RRAD: variants seen among roughly 807,000 people sequenced by gnomAD.
RRAD encodes the protein RRAD, Ras related glycolysis inhibitor and calcium channel regulator, also known as GTP-binding protein RAD.
Under a neutral mutation model 24.7 loss-of-function variants are expected in RRAD, and 15 were observed. The ratio of observed to expected loss-of-function variants is 0.61; its 90% confidence interval spans 0.41 to 0.93. The LOEUF (loss-of-function observed/expected upper bound fraction) is 0.93, where lower values mean the gene tolerates loss of function less well. Among genes scored for constraint, RRAD ranks in the 40% least tolerant of loss-of-function variants. The pLI is 0.00. For synonymous variants in RRAD, 180 were observed against 189.8 expected (o/e 0.95, Z 0.43); for missense variants, 438 against 452.2 (o/e 0.97, Z 0.29).
At position 66,924,790 on chromosome 16, in the gene RRAD, GA is replaced by G; in HGVS notation, c.370+19del. Reference sequence around the variant, plus strand: ...CTAGCCCCGGGATCGCCCCTCCCCTGAACAGCTGGGTCCCCTCACCTGCTGC... The same window carrying G: ...CTAGCCCCGGGATCGCCCCTCCCCTGACAGCTGGGTCCCCTCACCTGCTGC... On this transcript the variant is annotated intron_variant, in intron 2 of 4. Transcript: ENST00000299759. The surrounding 1 kb of genome is among the most constrained non-coding windows in gnomAD (Gnocchi z 4.2). 5 of 1,507,808 alleles carry G rather than the reference GA, an allele frequency of 3.3e-6. No homozygotes were observed. Among genetic ancestry groups the G allele is most frequent in the Non-Finnish European group, 4.5e-6 (5 of 1,122,368 alleles). The allele number at this position is 1,507,808 out of a possible 1,614,324, so 93.4% of individuals were successfully genotyped here.
rs918525617 is a variant in RRAD at position 66,925,390 on chromosome 16, G to T, written c.-16+19C>A. On this transcript the variant is annotated intron_variant, in intron 1 of 4. Coordinates refer to ENST00000299759, the MANE Select transcript of RRAD (RefSeq NM_004165.3). The surrounding 1 kb of genome is among the most constrained non-coding windows in gnomAD (Gnocchi z 5.2). Reference sequence around the variant, plus strand: ...ATCCATCTGCAGCCGCCCCGACCCCGCTCCGCCAGGACACTCACCCACTCG... The same window carrying T: ...ATCCATCTGCAGCCGCCCCGACCCCTCTCCGCCAGGACACTCACCCACTCG... 2.9e-5 allele frequency: 11 copies of T among 375,468 alleles called. No individual in the cohort carries two copies. The highest frequency in any genetic ancestry group is 1.4e-4 in the South Asian group (1 of 7,078). 23.3% of individuals were successfully genotyped at this position (375,468 alleles called of 1,614,324 possible).
In RRAD at chr16:66,924,955, G is replaced by A; in HGVS notation, c.225C>T (p.Asp75=). Residue 75 remains aspartate, a synonymous_variant, in exon 2 of 5, where the codon GAC becomes GAT. Coordinates refer to ENST00000299759, the MANE Select transcript of RRAD (RefSeq NM_004165.3). The surrounding 1 kb of genome is among the most constrained non-coding windows in gnomAD (Gnocchi z 4.2). The part of the protein sequence containing the change: ...TQGPRLDWPE[D]SEDSLSSGGS... ...CCCCTGAGCTGAGCGAGTCCTCGGA[G>A]TCCTCGGGCCAGTCCAGCCTGGGAC... The A allele has an allele frequency of 1.3e-6, 2 of 1,541,908 alleles. No individual in the cohort carries two copies. Among genetic ancestry groups the A allele is most frequent in the Non-Finnish European group, 1.7e-6 (2 of 1,149,460 alleles).
At position 66,925,278 on chromosome 16, in the gene RRAD, G is replaced by A. The variant is rs902730820; in HGVS notation, c.-15-84C>T. On this transcript the variant is annotated intron_variant, in intron 1 of 4. Coordinates refer to ENST00000299759, the MANE Select transcript of RRAD (RefSeq NM_004165.3). The surrounding 1 kb of genome is among the most constrained non-coding windows in gnomAD (Gnocchi z 5.2). Reference sequence around the variant, plus strand: ...GCACCTGCCCAACCCGGAGTCAGGCGGGATGCTCCGGCCGAGGTCCCGCCG... The same window carrying A: ...GCACCTGCCCAACCCGGAGTCAGGCAGGATGCTCCGGCCGAGGTCCCGCCG... The A allele has an allele frequency of 2.7e-5, 31 of 1,129,082 alleles. No individual in the cohort carries two copies. The African/African-American group carries it at 3.7e-4, about 14-fold the overall frequency. The allele number at this position is 1,129,082 out of a possible 1,614,324, so 69.9% of individuals were successfully genotyped here.
rs1065763 is a variant in RRAD, at chr16:66,922,007, G to A, written c.*69C>T. The stretch of plus-strand genomic sequence containing the variant: ...AGTCTGAGCCTGCTCTGAGGCACCC[G>A]GGGCAGTTGGCTGGGCCAGCCCACC... On this transcript the variant is annotated 3_prime_UTR_variant, in exon 5 of 5. Coordinates refer to ENST00000299759, the MANE Select transcript of RRAD (RefSeq NM_004165.3). 2.1e-3 allele frequency: 3,094 copies of A among 1,445,678 alleles called. 7 individuals carry two copies. Among genetic ancestry groups the A allele is most frequent in the Non-Finnish European group, 2.4e-3 (2,546 of 1,055,826 alleles). 89.6% of individuals were successfully genotyped at this position (1,445,678 alleles called of 1,614,324 possible).
Position 66,922,260 on chromosome 16 carries a change from A to AG in RRAD, c.742_743insC (p.Val248AlafsTer42), listed in dbSNP as rs1195961986. 6.2e-7 allele frequency: 1 copy of AG among 1,614,056 alleles called. No individual in the cohort carries two copies. ...GTCCCTGCGCAGGCGTATCTGGCGC[A>AG]CGACACCTTCAAACAGCGCCTGGAC... On this transcript the variant is annotated frameshift_variant, in exon 5 of 5. Transcript: ENST00000299759. LOFTEE classifies it high-confidence loss of function.
At chr16:66,922,375 G>C (rs771012628) in intron 4 of RRAD, 22 bp from the exon 5 acceptor site, 1 of 1,567,860 alleles carries the variant, frequency 6.4e-7, no homozygotes, top group Non-Finnish European at 8.7e-7. Context: ...GGGAAAGGCA[G>C]GCACCAGTAA....
At chr16:66,922,903 G>T (rs1226646177) in intron 4 of RRAD, among the ~76,000 whole-genome samples, 1 of 152,168 alleles carries the variant, frequency 6.6e-6, no homozygotes, top group Admixed American at 6.5e-5. Context: ...GGATGGTCTC[G>T]ATCTCCTGAC....
Position 66,924,831 on chromosome 16 carries a change from C to A in RRAD, c.349G>T (p.Gly117Trp), listed in dbSNP as rs1227174755. 15 of 1,585,374 alleles carry A rather than the reference C, an allele frequency of 9.5e-6. No homozygotes were observed. Among genetic ancestry groups the A allele is most frequent in the African/African-American group, 1.3e-5 (1 of 74,444 alleles). ...LARIFGGVED[G>W]PEAEAAGHTY... is the part of the protein sequence containing the mutation. ...TCACCTGCTGCCTCTGCTTCAGGCC[C>A]GTCCTCCACACCGCCGAAGATGCGC... The change falls in exon 2 of 5, where the codon GGG becomes TGG. Residue 117 changes from glycine (G) to tryptophan (W), a missense_variant. By Grantham distance (184) the Gly-to-Trp change is radical. Coordinates refer to ENST00000299759, the MANE Select transcript of RRAD (RefSeq NM_004165.3). The surrounding 1 kb of genome is among the most constrained non-coding windows in gnomAD (Gnocchi z 4.2).
Position 66,924,911 on chromosome 16 carries a change from C to T in RRAD, c.269G>A (p.Ser90Asn), listed in dbSNP as rs1218055005. The stretch of plus-strand genomic sequence containing the variant: ...CCCCAGCAGCAGCACCTTGTAAACG[C>T]TCTCGTCTGAGTCGCTGCCCCCTGA... ...LSSGGSDSDE[S>N]VYKVLLLGAP... Residue 90 changes from serine to asparagine, a missense_variant, in exon 2 of 5, where the codon AGC becomes AAC. By Grantham distance (46) the Ser-to-Asn change is conservative. Transcript: ENST00000299759. This position sits in a 1 kb window ranked among gnomAD's most constrained non-coding sequence, Gnocchi z 4.2. The T allele has an allele frequency of 1.9e-6, 3 of 1,580,382 alleles. No homozygotes were observed. In the South Asian group the frequency reaches 3.4e-5, roughly 18 times the overall value.
In RRAD at chr16:66,923,615, G is replaced by C. The variant is rs932782937; in HGVS notation, c.550C>G (p.Arg184Gly). Residue 184 changes from arginine (R) to glycine (G), a missense_variant, in exon 4 of 5, where the codon CGG (arginine) becomes GGG (glycine). By Grantham distance (125) the Arg-to-Gly change is moderately radical (BLOSUM62 -2). Transcript: ENST00000299759. This position sits in a 1 kb window ranked among gnomAD's most constrained non-coding sequence, Gnocchi z 4.9. ...TGCCGTGCACGCCGCAGCTGGACCC[G>C]CAGTTCTGAGGCCTTCTCGAAGCTG... ...KGSFEKASEL[R>G]VQLRRARQTD... 6.2e-7 allele frequency: 1 copy of C among 1,613,728 alleles called. No individual in the cohort carries two copies. Among genetic ancestry groups the C allele is most frequent in the East Asian group, 2.2e-5 (1 of 44,854 alleles).
intron 4 of RRAD, 126 bp from the exon 5 acceptor site, chr16:66,922,479 A>T (rs900723626): frequency 3.2e-6 from 3 of 940,226 alleles, no homozygotes; most frequent in Non-Finnish European, 4.7e-6. Context: ...GAAAACACAG[A>T]GACCCCAGCT....
In RRAD at chr16:66,924,856, C is replaced by T. The variant is rs537798543; in HGVS notation, c.324G>A (p.Ala108=). 5.0e-6 allele frequency: 8 copies of T among 1,588,510 alleles called. No individual in the cohort carries two copies. In the South Asian group the frequency reaches 6.7e-5, roughly 13 times the overall value. Residue 108 remains alanine (A), a synonymous_variant, in exon 2 of 5, where the codon GCG becomes GCA. Coordinates refer to ENST00000299759, the MANE Select transcript of RRAD (RefSeq NM_004165.3). This position sits in a 1 kb window ranked among gnomAD's most constrained non-coding sequence, Gnocchi z 4.2. ...GAPGVGKSAL[A]RIFGGVEDGP... Reference sequence around the variant, plus strand: ...CGTCCTCCACACCGCCGAAGATGCGCGCCAGGGCGCTCTTGCCCACGCCGG... The same window carrying T: ...CGTCCTCCACACCGCCGAAGATGCGTGCCAGGGCGCTCTTGCCCACGCCGG...
At position 66,922,108 on chromosome 16, in the gene RRAD, AT is replaced by A; in HGVS notation, c.894del (p.Lys298AsnfsTer?). The A allele has an allele frequency of 6.2e-7, 1 of 1,611,594 alleles. No individual in the cohort carries two copies. Among genetic ancestry groups the A allele is most frequent in the East Asian group, 2.2e-5 (1 of 44,776 alleles). On this transcript the variant is annotated frameshift_variant, in exon 5 of 5. Transcript: ENST00000299759. LOFTEE classifies it high-confidence loss of function. ...RNSRKMAFRA[K>X]SKSCHDLSVL Reference sequence around the variant, plus strand: ...ACCGAGAGGTCGTGGCAGGACTTGGATTTGGCGCGAAAGGCCATCTTGCGGC... The same window carrying A: ...ACCGAGAGGTCGTGGCAGGACTTGGATTGGCGCGAAAGGCCATCTTGCGGC...
In RRAD at chr16:66,921,930, G is replaced by T; in HGVS notation, c.*146C>A. 1 of 677,820 alleles carries T rather than the reference G, an allele frequency of 1.5e-6. No individual in the cohort carries two copies. Among genetic ancestry groups the T allele is most frequent in the Non-Finnish European group, 2.5e-6 (1 of 403,070 alleles). 42.0% of individuals were successfully genotyped at this position (677,820 alleles called of 1,614,324 possible). On this transcript the variant is annotated 3_prime_UTR_variant, in exon 5 of 5. Transcript: ENST00000299759. ...CTTCGCAGGGCAGCACTGTCTATCT[G>T]TCCATGACCATGAGGTTGGGGGTGC...
chr16:66,923,807 T>C lies in RRAD; in HGVS notation c.444+39A>G. ...CTCCCAGACCTCTAACCCAACTCAC[T>C]CCTCCCTCCCCTGCCCTGGGTCTCT... On this transcript the variant is annotated intron_variant, in intron 3 of 4. Coordinates refer to ENST00000299759, the MANE Select transcript of RRAD (RefSeq NM_004165.3). The surrounding 1 kb of genome is among the most constrained non-coding windows in gnomAD (Gnocchi z 4.9). 6.2e-7 allele frequency: 1 copy of C among 1,608,056 alleles called. No individual in the cohort carries two copies. The highest frequency in any genetic ancestry group is 8.5e-7 in the Non-Finnish European group (1 of 1,175,250).
chr16:66,925,431 A>C lies in RRAD; in HGVS notation c.-38T>G. On this transcript the variant is annotated 5_prime_UTR_variant, in exon 1 of 5. Coordinates refer to ENST00000299759, the MANE Select transcript of RRAD (RefSeq NM_004165.3). The surrounding 1 kb of genome is among the most constrained non-coding windows in gnomAD (Gnocchi z 5.2). ...CACCCACTCGCACACAGACACGCTC[A>C]GGACTAGGATCCGGATTAGGAGGCC... 2 of 330,782 alleles carry C rather than the reference A, an allele frequency of 6.0e-6. No individual in the cohort carries two copies. Among genetic ancestry groups the C allele is most frequent in the Non-Finnish European group, 1.1e-5 (2 of 183,378 alleles). 20.5% of individuals were successfully genotyped at this position (330,782 alleles called of 1,614,324 possible).
chr16:66,922,288 T>C lies in RRAD; in HGVS notation c.715A>G (p.Asn239Asp). The C allele has an allele frequency of 6.2e-7, 1 of 1,612,654 alleles. No individual in the cohort carries two copies. Among genetic ancestry groups the C allele is most frequent in the Non-Finnish European group, 8.5e-7 (1 of 1,178,972 alleles). The change falls in exon 5 of 5, where the codon AAT becomes GAT. Residue 239 changes from asparagine (N) to aspartate (D), a missense_variant. By Grantham distance (23) the Asn-to-Asp change is conservative (BLOSUM62 1). Transcript: ENST00000299759. ...FIETSAALHH[N>D]VQALFEGVVR... ...ACACCTTCAAACAGCGCCTGGACAT[T>C]GTGGTGCAATGCCGCTGATGTCTCA...
chr16:66,922,673 GTATTTTATTT>G (rs367753156), intron 4 of RRAD, among the ~76,000 whole-genome samples: 1 of 152,102 alleles, frequency 6.6e-6, no homozygotes, highest in Non-Finnish European at 1.5e-5. Flanking sequence ...GGACAACTTA[GTATTTTATTT>G]TATTTTATTT....
At position 66,923,368 on chromosome 16, in the gene RRAD, C is replaced by T. The variant is rs904774631; in HGVS notation, c.649+148G>A. The T allele has an allele frequency of 1.0e-5, 7 of 696,814 alleles. No individual in the cohort carries two copies. In the African/African-American group the frequency reaches 1.3e-4, roughly 13 times the overall value. 43.2% of individuals were successfully genotyped at this position (696,814 alleles called of 1,614,324 possible). A position where few individuals can be genotyped will look rare whatever the true frequency, so the allele number is the denominator to read the frequency against. Reference sequence around the variant, plus strand: ...CCTTCCGGAGCCCTGTGAGCAGGCACCAGCTCTCTCCCATTTCCCTCCCCG... The same window carrying T: ...CCTTCCGGAGCCCTGTGAGCAGGCATCAGCTCTCTCCCATTTCCCTCCCCG... On this transcript the variant is annotated intron_variant, in intron 4 of 4. Transcript: ENST00000299759. This position sits in a 1 kb window ranked among gnomAD's most constrained non-coding sequence, Gnocchi z 4.9.
Sources: allele counts gnomAD v4.1 joint callset (sites outside exome capture counted in the v4.1 genomes callset), GRCh38; gene constraint gnomAD v4.1.1; non-coding constraint Gnocchi (gnomAD v3.1); transcripts MANE v1.5; gene names NCBI Gene and HGNC (gene_info 2026-07-23, HGNC 2026-07-21).